Variants in KCNIP2 observed in about 807,000 individuals in gnomAD.
The protein encoded by KCNIP2 is A-type potassium channel modulatory protein KCNIP2.
KCNIP2 carries 19 observed loss-of-function variants against 39.0 expected under a neutral mutation model. The observed-to-expected ratio is 0.49, with a 90% CI of 0.34 to 0.71. KCNIP2 has a LOEUF of 0.71. KCNIP2 is among the 30% of genes least tolerant of loss of function. The pLI is 0.01. For synonymous variants in KCNIP2, 111 were observed against 131.2 expected (o/e 0.85, Z 1.05); for missense variants, 261 against 346.0 (o/e 0.75, Z 1.95).
chr10:101,828,016 G>A lies in KCNIP2; in HGVS notation c.598-23C>T. 6.3e-7 allele frequency: 1 copy of A among 1,599,248 alleles called. No individual in the cohort carries two copies. Among genetic ancestry groups the A allele is most frequent in the Admixed American group, 1.7e-5 (1 of 59,978 alleles). On this transcript the variant is annotated intron_variant, in intron 7 of 9. Transcript: ENST00000356640. This position sits in a 1 kb window ranked among gnomAD's most constrained non-coding sequence, Gnocchi z 6.6. ...TTCCTGTTAGGCCAAGAGAGAAGAG[G>A]ATCCTTCCTCAGAGCCTCCAGCCTC...
At chr10:101,839,320 A>G (rs889132523) in intron 1 of KCNIP2, among the ~76,000 whole-genome samples, 5 of 152,154 alleles carry the variant, frequency 3.3e-5, no homozygotes, top group Non-Finnish European at 5.9e-5. Flanking sequence ...GGCCCATCTC[A>G]GGGTTTTTTC....
chr10:101,834,322 A>T, intron 1 of KCNIP2: 1 of 399,282 alleles, frequency 2.5e-6, no homozygotes, highest in Non-Finnish European at 4.4e-6. Context: ...TGACAAACAG[A>T]GCGAGGACCA....
intron 2 of KCNIP2, among the ~76,000 whole-genome samples, chr10:101,830,636 A>G (rs1253396501): frequency 6.6e-6 from 1 of 150,936 alleles, no homozygotes; most frequent in African/African-American, 2.4e-5. Context: ...ACGCCCCCTT[A>G]TGCTCCAGCC....
At chr10:101,831,046 CCCGG>C in intron 2 of KCNIP2, 22 bp downstream of exon 2, 1 of 1,599,324 alleles carries the variant, frequency 6.3e-7, no homozygotes. Context: ...GAGCCCCGCC[CCCGG>C]AAGCACATGA....
At chr10:101,827,621 C>T (rs1564659511) in intron 9 of KCNIP2, 68 bp downstream of exon 9, 1 of 1,566,762 alleles carries the variant, frequency 6.4e-7, no homozygotes, top group African/African-American at 1.4e-5. Context: ...CCCAAAGAAG[C>T]TTTTCCCTGC....
intron 1 of KCNIP2, among the ~76,000 whole-genome samples, chr10:101,841,714 G>A (rs1400234831): frequency 6.6e-6 from 1 of 152,200 alleles, no homozygotes. Context: ...TGACTGAACT[G>A]GGGCAGGGCA....
Position 101,835,902 on chromosome 10 carries a change from G to C in KCNIP2, c.74-4735C>G, listed in dbSNP as rs554386335. Reference sequence around the variant, plus strand: ...GGTGGTGAAACTAAGTCAAAGAGAAGTTAAGCAAATCTTCAAGATCAGAGC... The same window carrying C: ...GGTGGTGAAACTAAGTCAAAGAGAACTTAAGCAAATCTTCAAGATCAGAGC... On this transcript the variant is annotated intron_variant, in intron 1 of 9. Coordinates refer to ENST00000356640, the MANE Select transcript of KCNIP2 (RefSeq NM_173191.3). 3.3e-5 allele frequency among the ~76,000 whole-genome samples: 5 copies of C among 152,360 alleles called. No individual in the cohort carries two copies. In the East Asian group the frequency reaches 9.6e-4, roughly 29 times the overall value.
In KCNIP2 at chr10:101,843,185, G is replaced by A. The variant is rs112005148; in HGVS notation, c.73+311C>T. ...GCAACCAGCTGTGGGAGGTGCGCGC[G>A]CACACACACACACACACACAGAATG... On this transcript the variant is annotated intron_variant, in intron 1 of 9. Transcript: ENST00000356640. This position sits in a 1 kb window ranked among gnomAD's most constrained non-coding sequence, Gnocchi z 6.7. 8.0e-5 allele frequency among the ~76,000 whole-genome samples: 12 copies of A among 150,208 alleles called. No homozygotes were observed. Among genetic ancestry groups the A allele is most frequent in the African/African-American group, 2.2e-4 (9 of 41,000 alleles).
chr10:101,832,296 C>CTGTG (rs57005983), intron 1 of KCNIP2, among the ~76,000 whole-genome samples: 8,411 of 139,964 alleles, frequency 0.06, 260 homozygotes, highest in Middle Eastern at 0.076. Flanking sequence ...CTCAGTGTTA[C>CTGTG]TGTGTGTGTG....
intron 1 of KCNIP2, 147 bp from the exon 2 acceptor site, chr10:101,831,314 T>C (rs935734906): frequency 3.0e-6 from 2 of 657,788 alleles, no homozygotes; most frequent in Non-Finnish European, 5.2e-6. Flanking sequence ...CAAGGGTGGT[T>C]GGAATCGGGT....
intron 1 of KCNIP2, among the ~76,000 whole-genome samples, chr10:101,834,964 T>C (rs946197499): frequency 6.6e-6 from 1 of 152,204 alleles, no homozygotes; most frequent in Non-Finnish European, 1.5e-5. Flanking sequence ...AGGTGTGTGT[T>C]TGGCGTATGG....
rs2066380484 is a variant in KCNIP2, at chr10:101,843,118, C to A, written c.73+378G>T. Among the ~76,000 whole-genome samples the A allele has an allele frequency of 6.6e-6, 1 of 152,228 alleles. No individual in the cohort carries two copies. The highest frequency in any genetic ancestry group is 1.5e-5 in the Non-Finnish European group (1 of 68,044). ...GACCATACAATTGCACTGCCACATA[C>A]AATCACACTCACCCTAGCTGTCACC... On this transcript the variant is annotated intron_variant, in intron 1 of 9. Transcript: ENST00000356640. The surrounding 1 kb of genome is among the most constrained non-coding windows in gnomAD (Gnocchi z 6.7).
At position 101,827,000 on chromosome 10, in the gene KCNIP2, G is replaced by A. The variant is rs1056407383; in HGVS notation, c.*353C>T. 3.4e-5 allele frequency: 7 copies of A among 208,020 alleles called. No individual in the cohort carries two copies. The highest frequency in any genetic ancestry group is 6.7e-5 in the Non-Finnish European group (7 of 104,458). 12.9% of individuals were successfully genotyped at this position (208,020 alleles called of 1,614,324 possible). On this transcript the variant is annotated 3_prime_UTR_variant, in exon 10 of 10. Transcript: ENST00000356640. ...TTAGGGGAAATGTTTATGAGGTCAG[G>A]GATGGGGGAAGCACCATAGCAGGAG...
chr10:101,835,441 C>T (rs1234058165), intron 1 of KCNIP2, among the ~76,000 whole-genome samples: 1 of 152,074 alleles, frequency 6.6e-6, no homozygotes, highest in East Asian at 1.9e-4. Context: ...TCAAGAAACC[C>T]AAGCTTCTTG....
intron 3 of KCNIP2, 24 bp downstream of exon 3, chr10:101,829,820 G>A (rs1564663526): frequency 5.1e-6 from 5 of 985,164 alleles, no homozygotes; most frequent in South Asian, 2.2e-5. Flanking sequence ...GCCCCGCCCC[G>A]CCCCCACCAG....
intron 1 of KCNIP2, among the ~76,000 whole-genome samples, chr10:101,831,898 T>C (rs1220921188): frequency 1.3e-5 from 2 of 152,160 alleles, no homozygotes. Context: ...CATATCATAC[T>C]GTGACCTGGG....
intron 1 of KCNIP2, among the ~76,000 whole-genome samples, chr10:101,835,502 G>A (rs1009629731): frequency 2.6e-5 from 4 of 152,096 alleles, no homozygotes; most frequent in Admixed American, 6.5e-5. Context: ...GACCTCATCC[G>A]GGAGATGCTA....
At position 101,838,248 on chromosome 10, in the gene KCNIP2, A is replaced by C. The variant is rs1483346890; in HGVS notation, c.73+5248T>G. Among the ~76,000 whole-genome samples the C allele has an allele frequency of 2.6e-5, 4 of 152,246 alleles. No individual in the cohort carries two copies. The highest frequency in any genetic ancestry group is 9.6e-5 in the African/African-American group (4 of 41,476). On this transcript the variant is annotated intron_variant, in intron 1 of 9. Transcript: ENST00000356640. This position sits in a 1 kb window ranked among gnomAD's most constrained non-coding sequence, Gnocchi z 4.0. ...ATTTGGCAGAGTGGGAACTCAAGGG[A>C]AAACCATCTCGAGGCATGAGGTGGG...
At chr10:101,832,528 A>G (rs576703408) in intron 1 of KCNIP2, among the ~76,000 whole-genome samples, 1 of 152,134 alleles carries the variant, frequency 6.6e-6, no homozygotes, top group African/African-American at 2.4e-5. Context: ...CCCTGTTCTC[A>G]GGAGGTGACT....
Sources: gnomAD v4.1 joint callset for allele counts (sites outside exome capture counted in the v4.1 genomes callset) on GRCh38, gnomAD v4.1.1 for gene constraint, Gnocchi (gnomAD v3.1) non-coding constraint, MANE v1.5 for transcripts, NCBI Gene and HGNC (gene_info 2026-07-23, HGNC 2026-07-21) for gene names.